Variants in RIPOR2 observed in about 807,000 individuals in gnomAD.
RIPOR2 encodes RHO family interacting cell polarization regulator 2, also known as rho family-interacting cell polarization regulator 2.
A neutral mutation model predicts 114.5 loss-of-function variants in RIPOR2; 39 were observed. The observed-to-expected ratio is 0.34, with a 90% CI of 0.26 to 0.44. The LOEUF (loss-of-function observed/expected upper bound fraction) is 0.44, where lower values mean the gene tolerates loss of function less well. RIPOR2 is among the 20% of genes least tolerant of loss of function. The pLI is 1.00. For synonymous variants in RIPOR2, 445 were observed against 484.4 expected (o/e 0.92, Z 1.07); for missense variants, 1,007 against 1,255.1 (o/e 0.80, Z 2.99).
rs764496027 is a variant in RIPOR2 at position 24,806,444 on chromosome 6, A to G, written c.3073T>C (p.Leu1025=). 3.2e-6 allele frequency: 5 copies of G among 1,551,886 alleles called. No individual in the cohort carries two copies. The highest frequency in any genetic ancestry group is 4.4e-6 in the Non-Finnish European group (5 of 1,146,974). Residue 1025 remains leucine (L), a synonymous_variant, in exon 22 of 22, where the codon TTG becomes CTG. Transcript: ENST00000643898. ...ACACAGTCTCGAGGAAATTTGTCCA[A>G]TTGTTCATATGCCAGCCGCCCATCT... The part of the protein sequence containing the change: ...GEDGRLAYEQ[L]DKFPRDCVKV...
At chr6:24,969,682 C>T (rs1423518474) in intron 1 of RIPOR2, among the ~76,000 whole-genome samples, 2 of 152,064 alleles carry the variant, frequency 1.3e-5, no homozygotes, top group African/African-American at 4.8e-5. Context: ...TTGATTGGCC[C>T]TGCTCCCACT....
intron 1 of RIPOR2, among the ~76,000 whole-genome samples, chr6:25,003,977 G>C (rs1000108745): frequency 6.6e-6 from 1 of 152,118 alleles, no homozygotes; most frequent in Non-Finnish European, 1.5e-5. Context: ...AGTACAAATG[G>C]AAGCAGCTCT....
intron 1 of RIPOR2, among the ~76,000 whole-genome samples, chr6:24,947,130 G>T (rs141888168): frequency 6.6e-6 from 1 of 152,114 alleles, no homozygotes; most frequent in Non-Finnish European, 1.5e-5. Flanking sequence ...TAAAGATTCC[G>T]TGGGAGGATA....
chr6:24,818,676 T>A, intron 19 of RIPOR2, 51 bp from the exon 20 acceptor site: 4 of 1,191,940 alleles, frequency 3.4e-6, no homozygotes, highest in Non-Finnish European at 4.8e-6. Context: ...GTTCGTAGTT[T>A]AAGAGGTATA....
intron 1 of RIPOR2, among the ~76,000 whole-genome samples, chr6:24,978,927 G>A (rs1022663746): frequency 3.9e-5 from 6 of 152,162 alleles, no homozygotes; most frequent in Non-Finnish European, 7.3e-5. Context: ...AATGGAAATC[G>A]TGACAGAATG....
At chr6:24,838,006 A>C (rs1003684892) in intron 14 of RIPOR2, among the ~76,000 whole-genome samples, 2 of 152,170 alleles carry the variant, frequency 1.3e-5, no homozygotes, top group Admixed American at 1.3e-4. Flanking sequence ...TTTCACAGCA[A>C]TTGATGGAGG....
intron 1 of RIPOR2, among the ~76,000 whole-genome samples, chr6:25,021,482 T>C (rs1172455107): frequency 6.6e-6 from 1 of 152,226 alleles, no homozygotes; most frequent in Non-Finnish European, 1.5e-5. Flanking sequence ...CTTAATGGCA[T>C]TCACAGTGAC....
intron 1 of RIPOR2, among the ~76,000 whole-genome samples, chr6:24,892,450 C>G (rs945229083): frequency 2.0e-5 from 3 of 152,172 alleles, no homozygotes; most frequent in South Asian, 2.1e-4. Flanking sequence ...TCCTCTGGGT[C>G]ACACAAGAAC....
At chr6:24,993,845 C>T (rs1370044077) in intron 1 of RIPOR2, among the ~76,000 whole-genome samples, 1 of 152,198 alleles carries the variant, frequency 6.6e-6, no homozygotes, top group African/African-American at 2.4e-5. Context: ...AATTGCATAT[C>T]CCCCAAAGAT....
intron 1 of RIPOR2, among the ~76,000 whole-genome samples, chr6:25,038,858 A>C (rs1381958645): frequency 6.6e-6 from 1 of 152,258 alleles, no homozygotes; most frequent in African/African-American, 2.4e-5. Flanking sequence ...CCAGTGAGGC[A>C]ATTCTAATTG....
chr6:24,926,997 A>G (rs180678121), intron 1 of RIPOR2, among the ~76,000 whole-genome samples: 1 of 42,980 alleles, frequency 2.3e-5, no homozygotes, highest in Non-Finnish European at 4.5e-5. Flanking sequence ...CACAACTACA[A>G]TCACCACCAC....
chr6:25,028,462 C>A (rs925232799), intron 1 of RIPOR2, among the ~76,000 whole-genome samples: 2 of 152,216 alleles, frequency 1.3e-5, no homozygotes, highest in African/African-American at 4.8e-5. Context: ...CACACTGTGG[C>A]CTGTGACTTT....
Position 24,912,461 on chromosome 6 carries a change from C to T in RIPOR2, c.61+23377G>A, listed in dbSNP as rs1023698738. On this transcript the variant is annotated intron_variant, in intron 1 of 21. Transcript: ENST00000643898. ...ATCCATTTTTCCAAGATCCCTTGCC[C>T]CCCCCCTTTTTTTTTTGCCCTTTCA... 1.7e-3 allele frequency among the ~76,000 whole-genome samples: 186 copies of T among 110,654 alleles called. 1 individual carries two copies. The highest frequency in any genetic ancestry group is 2.6e-3 in the Non-Finnish European group (146 of 56,434). 72.6% of individuals were successfully genotyped at this position (110,654 alleles called of 152,430 possible).
chr6:24,923,497 G>T (rs564404853), intron 1 of RIPOR2, among the ~76,000 whole-genome samples: 1 of 152,006 alleles, frequency 6.6e-6, no homozygotes. Context: ...AAAAGTGGCC[G>T]AGAGTTTCCT....
chr6:24,819,662 A>ATTTT (rs35638159), intron 19 of RIPOR2, among the ~76,000 whole-genome samples: 2 of 103,300 alleles, frequency 1.9e-5, no homozygotes, highest in African/African-American at 3.3e-5. Flanking sequence ...CGCCCAGCTA[A>ATTTT]TTTTTTTTTT....
At chr6:24,945,114 T>C (rs1160411616) in intron 1 of RIPOR2, among the ~76,000 whole-genome samples, 3 of 151,878 alleles carry the variant, frequency 2.0e-5, no homozygotes, top group Non-Finnish European at 4.4e-5. Context: ...ATATCACATG[T>C]ACCCCCAAAA....
At chr6:24,869,759 T>C (rs970524996) in intron 5 of RIPOR2, among the ~76,000 whole-genome samples, 1 of 152,144 alleles carries the variant, frequency 6.6e-6, no homozygotes, top group Admixed American at 6.5e-5. Context: ...CATATTGGAG[T>C]ATATTTAAAT....
intron 8 of RIPOR2, among the ~76,000 whole-genome samples, chr6:24,854,254 T>C (rs1363520282): frequency 6.6e-6 from 1 of 152,148 alleles, no homozygotes; most frequent in African/African-American, 2.4e-5. Context: ...ACTATATAAT[T>C]AAAATGAAAA....
intron 5 of RIPOR2, among the ~76,000 whole-genome samples, chr6:24,869,935 A>T (rs1028797628): frequency 8.5e-5 from 13 of 152,188 alleles, no homozygotes; most frequent in Non-Finnish European, 1.8e-4. Flanking sequence ...TTGAGTTGTA[A>T]TTATTATTAT....
Sources: gnomAD v4.1 joint callset for allele counts (sites outside exome capture counted in the v4.1 genomes callset) on GRCh38, gnomAD v4.1.1 for gene constraint, MANE v1.5 for transcripts, NCBI Gene and HGNC (gene_info 2026-07-23, HGNC 2026-07-21) for gene names.